Variants in BRD1 observed in about 807,000 individuals in gnomAD.
BRD1 encodes bromodomain-containing protein 1.
Under a neutral mutation model 107.7 loss-of-function variants are expected in BRD1, and 24 were observed. The observed-to-expected ratio is 0.22, with a 90% CI of 0.16 to 0.31. The LOEUF (loss-of-function observed/expected upper bound fraction) is 0.31. Ranked by LOEUF, BRD1 falls within the 10% of genes least tolerant of loss-of-function variation. The pLI, the probability that BRD1 is intolerant of heterozygous loss-of-function variation, is 1.00. For missense variants in BRD1, 1,279 were observed against 1,638.6 expected (o/e 0.78, Z 3.79); for synonymous variants, 744 against 686.1 (o/e 1.08, Z -1.32).
rs545846220 is a variant in BRD1 at position 49,785,187 on chromosome 22, G to A, written c.2857+2203C>T. ...ACGAGCCTGAGAGGTTGCTGAGGAC[G>A]TGGCCGCCAGCCGGCAAAACTGTCC... is the stretch of plus-strand genomic sequence containing the variant. On this transcript the variant is annotated intron_variant, in intron 8 of 12. Coordinates refer to ENST00000404760, the MANE Select transcript of BRD1 (RefSeq NM_001304808.3). Among the ~76,000 whole-genome samples the A allele has an allele frequency of 2.6e-5, 4 of 152,394 alleles. No homozygotes were observed. The South Asian group carries it at 6.2e-4, about 24-fold the overall frequency.
In BRD1 at chr22:49,804,905, T is replaced by G. The variant is rs376964117; in HGVS notation, c.1368-545A>C. Among the ~76,000 whole-genome samples, 14 of 152,258 alleles carry G rather than the reference T, an allele frequency of 9.2e-5. No individual in the cohort carries two copies. In the East Asian group the frequency reaches 1.3e-3, roughly 15 times the overall value. On this transcript the variant is annotated intron_variant, in intron 2 of 12. Transcript: ENST00000404760. ...TCCACTTCTCATTCACTACAACATT[T>G]ATCAGATTGAATATCCAAAAAGAAA...
chr22:49,822,281 T>C (rs574753843), intron 2 of BRD1, among the ~76,000 whole-genome samples: 1 of 152,098 alleles, frequency 6.6e-6, no homozygotes, highest in South Asian at 2.1e-4. Flanking sequence ...CAAAATTAGC[T>C]GGGCATGGGA....
intron 8 of BRD1, among the ~76,000 whole-genome samples, chr22:49,781,600 C>A (rs564052421): frequency 6.6e-6 from 1 of 151,472 alleles, no homozygotes; most frequent in Non-Finnish European, 1.5e-5. Flanking sequence ...GGGATACAAG[C>A]CCGCCCCTGC....
intron 2 of BRD1, among the ~76,000 whole-genome samples, chr22:49,808,537 TCCTGTTTAACTGGGACA>T (rs1258461214): frequency 2.6e-5 from 4 of 152,040 alleles, no homozygotes; most frequent in Non-Finnish European, 4.4e-5. Context: ...AATGGGGAGT[TCCTGTTTAACTGGGACA>T]GAGTTTCAGA....
chr22:49,823,240 G>T lies in BRD1; in HGVS notation c.1078C>A (p.Leu360Met). 6.2e-7 allele frequency: 1 copy of T among 1,614,194 alleles called. No homozygotes were observed. Among genetic ancestry groups the T allele is most frequent in the Non-Finnish European group, 8.5e-7 (1 of 1,180,030 alleles). ...TTCACGGGCTCCATTTTCATGTACAGGCCAGCCTTCTGGGCACACGTCACA... is the reference window on the plus strand; with the variant it reads ...TTCACGGGCTCCATTTTCATGTACATGCCAGCCTTCTGGGCACACGTCACA... ...FHVTCAQKAGLYMKMEPVKEL... is the reference protein window; with the variant it reads ...FHVTCAQKAGMYMKMEPVKEL... The change falls in exon 2 of 13, where the codon CTG becomes ATG. Residue 360 changes from leucine to methionine, a missense_variant. Around this residue, in one of 7 missense-constraint regions of BRD1, gnomAD observed 158 missense variants for 310.2 expected, o/e 0.51. Coordinates refer to ENST00000404760, the MANE Select transcript of BRD1 (RefSeq NM_001304808.3).
In BRD1 at chr22:49,823,172, G is replaced by A. The variant is rs142785939; in HGVS notation, c.1146C>T (p.Thr382=). The A allele has an allele frequency of 1.7e-5, 27 of 1,614,040 alleles. No individual in the cohort carries two copies. The highest frequency in any genetic ancestry group is 1.3e-4 in the African/African-American group (10 of 74,930). ...GAGGCGTGTGGACATCACAGTAAGC[G>A]GTCTTTCTGACGGAGAAGGTGGTGC... The part of the protein sequence containing the change: ...GGGTTFSVRK[T]AYCDVHTPPG... Residue 382 remains threonine, a synonymous_variant, in exon 2 of 13, where the codon ACC becomes ACT. Coordinates refer to ENST00000404760, the MANE Select transcript of BRD1 (RefSeq NM_001304808.3).
intron 8 of BRD1, among the ~76,000 whole-genome samples, chr22:49,779,505 C>T (rs113168177): frequency 2.2e-4 from 33 of 152,310 alleles, no homozygotes; most frequent in African/African-American, 7.7e-4. Flanking sequence ...CCAAGGGAAG[C>T]TCTGTGTTTC....
intron 2 of BRD1, among the ~76,000 whole-genome samples, chr22:49,818,885 CA>C (rs978143063): frequency 3.4e-5 from 5 of 145,860 alleles, no homozygotes; most frequent in African/African-American, 5.1e-5. Context: ...GACTCCGTCT[CA>C]AAAAAAAAAT....
rs914647091 is a variant in BRD1 at position 49,803,960 on chromosome 22, C to T, written c.1524+244G>A. 3.3e-5 allele frequency among the ~76,000 whole-genome samples: 5 copies of T among 152,172 alleles called. No individual in the cohort carries two copies. Among genetic ancestry groups the T allele is most frequent in the African/African-American group, 1.2e-4 (5 of 41,432 alleles). ...GTGCGGGCAGGGCAGGGCGGGGGAG[C>T]GCAACTCAAAACGGAAGAAACACCC... On this transcript the variant is annotated intron_variant, in intron 3 of 12. Transcript: ENST00000404760. This position sits in a 1 kb window ranked among gnomAD's most constrained non-coding sequence, Gnocchi z 4.4.
chr22:49,824,506 TC>T lies in BRD1; in HGVS notation c.-14-176del. ...AACCACACATCCAGGCCTGAGCGAG[TC>T]CCCAGGACCAGGGAGGGAGCAGCAG... On this transcript the variant is annotated intron_variant, in intron 1 of 12. Coordinates refer to ENST00000404760, the MANE Select transcript of BRD1 (RefSeq NM_001304808.3). This position sits in a 1 kb window ranked among gnomAD's most constrained non-coding sequence, Gnocchi z 5.9. 2 of 1,420,212 alleles carry T rather than the reference TC, an allele frequency of 1.4e-6. No homozygotes were observed. The highest frequency in any genetic ancestry group is 2.9e-5 in the Admixed American group (1 of 34,524). 88.0% of individuals were successfully genotyped at this position (1,420,212 alleles called of 1,614,324 possible).
chr22:49,780,192 G>A (rs1007238042), intron 8 of BRD1, among the ~76,000 whole-genome samples: 9 of 152,184 alleles, frequency 5.9e-5, no homozygotes, highest in African/African-American at 2.2e-4. Flanking sequence ...ACACAGCCAA[G>A]CCATGCACAG....
intron 2 of BRD1, chr22:49,806,292 G>A (rs2059742723): frequency 6.6e-6 from 1 of 152,222 alleles, no homozygotes; most frequent in East Asian, 1.9e-4. Flanking sequence ...CAGAGTCAGG[G>A]CTTCTGGAAA....
At chr22:49,798,800 A>G (rs1362239395) in intron 4 of BRD1, 114 bp from the exon 5 acceptor site, 2 of 1,448,250 alleles carry the variant, frequency 1.4e-6, no homozygotes, top group Non-Finnish European at 1.8e-6. Context: ...CCGTCCAGGC[A>G]TAGGACAACG....
intron 2 of BRD1, chr22:49,818,271 A>C: frequency 7.8e-7 from 1 of 1,274,600 alleles, no homozygotes; most frequent in Non-Finnish European, 1.0e-6. Context: ...CTCGTAGTAG[A>C]GGAGCTCCTC....
At chr22:49,818,918 T>C (rs4823962) in intron 2 of BRD1, among the ~76,000 whole-genome samples, 10,834 of 151,640 alleles carry the variant, frequency 0.071, 468 homozygotes, top group South Asian at 0.14. Context: ...CAGGTGCAAC[T>C]CAATCCGTTA....
In BRD1 at chr22:49,823,442, C is replaced by T. The variant is rs767396592; in HGVS notation, c.876G>A (p.Val292=). 5.0e-6 allele frequency: 8 copies of T among 1,611,526 alleles called. No individual in the cohort carries two copies. The highest frequency in any genetic ancestry group is 1.1e-5 in the South Asian group (1 of 91,086). Residue 292 remains valine, a synonymous_variant, in exon 2 of 13, where the codon GTG becomes GTA. Coordinates refer to ENST00000404760, the MANE Select transcript of BRD1 (RefSeq NM_001304808.3). ...CCTCTGGGATCCACAGGGCACACAC[C>T]ACGTGACCCCAGCGGTCGTCATCTG... ...KKTDDDRWGH[V]VCALWIPEVG...
At chr22:49,780,975 G>A (rs1033742797) in intron 8 of BRD1, among the ~76,000 whole-genome samples, 16 of 152,202 alleles carry the variant, frequency 1.1e-4, no homozygotes, top group Non-Finnish European at 2.1e-4. Flanking sequence ...AATAGCAAGG[G>A]GCAACTTTCA....
At chr22:49,810,842 C>T (rs2059836403) in intron 2 of BRD1, among the ~76,000 whole-genome samples, 1 of 152,198 alleles carries the variant, frequency 6.6e-6, no homozygotes, top group Non-Finnish European at 1.5e-5. Flanking sequence ...AACAATCTGG[C>T]ACTTCCTCAA....
chr22:49,790,637 T>C lies in BRD1; in HGVS notation c.2360-2750A>G, dbSNP rs2059416574. The stretch of plus-strand genomic sequence containing the variant: ...ACCTGCTATGTCAATCAAAGGTTTC[T>C]GTATCGAAGCCACAAGACGCTTTGG... On this transcript the variant is annotated intron_variant, in intron 7 of 12. Coordinates refer to ENST00000404760, the MANE Select transcript of BRD1 (RefSeq NM_001304808.3). 2.6e-5 allele frequency among the ~76,000 whole-genome samples: 4 copies of C among 152,258 alleles called. No homozygotes were observed. In the South Asian group the frequency reaches 8.3e-4, roughly 32 times the overall value.
Sources: allele counts gnomAD v4.1 joint callset (sites outside exome capture counted in the v4.1 genomes callset), GRCh38; gene constraint gnomAD v4.1.1; regional missense constraint gnomAD v4.1.1; non-coding constraint Gnocchi (gnomAD v3.1); transcripts MANE v1.5; gene names NCBI Gene and HGNC (gene_info 2026-07-23, HGNC 2026-07-21).